ASAP2: variants seen among roughly 807,000 people sequenced by gnomAD.
ASAP2 encodes the protein arf-GAP with SH3 domain, ANK repeat and PH domain-containing protein 2.
Under a neutral mutation model 131.4 loss-of-function variants are expected in ASAP2, and 45 were observed. The ratio of observed to expected loss-of-function variants is 0.34; its 90% CI spans 0.27 to 0.44. ASAP2 has a LOEUF of 0.44. Among genes scored for constraint, ASAP2 ranks in the 20% least tolerant of loss-of-function variants. ASAP2 has a pLI of 1.00. For synonymous variants in ASAP2, 510 were observed against 503.0 expected, an observed-to-expected ratio of 1.01 and a Z score of -0.19; for missense variants, 1,011 against 1,297.0, an observed-to-expected ratio of 0.78 and a Z score of 3.39.
intron 1 of ASAP2, among the ~76,000 whole-genome samples, chr2:9,250,390 C>T (rs371489784): frequency 3.2e-4 from 49 of 152,280 alleles, no homozygotes; most frequent in African/African-American, 1.2e-3. Flanking sequence ...CTGGAGTTCT[C>T]GCGGTGCCCC....
intron 2 of ASAP2, among the ~76,000 whole-genome samples, chr2:9,290,292 C>T (rs1667730082): frequency 1.3e-5 from 2 of 152,188 alleles, no homozygotes; most frequent in Non-Finnish European, 2.9e-5. Context: ...TCACTGCAAC[C>T]TCTGCCTCCT....
At chr2:9,307,969 C>T (rs1242188415) in intron 3 of ASAP2, among the ~76,000 whole-genome samples, 3 of 152,100 alleles carry the variant, frequency 2.0e-5, no homozygotes, top group East Asian at 1.9e-4. Flanking sequence ...CATATGTGTA[C>T]GTGTGCATGC....
chr2:9,212,367 G>T (rs533101680), intron 1 of ASAP2, among the ~76,000 whole-genome samples: 2 of 152,080 alleles, frequency 1.3e-5, no homozygotes, highest in African/African-American at 4.8e-5. Context: ...GGTGAGGGAG[G>T]GCCTTATATG....
Position 9,389,409 on chromosome 2 carries a change from GC to G in ASAP2, c.2383+866del, listed in dbSNP as rs1489514381. Among the ~76,000 whole-genome samples the G allele has an allele frequency of 1.3e-5, 2 of 152,250 alleles. No homozygotes were observed. The highest frequency in any genetic ancestry group is 2.9e-5 in the Non-Finnish European group (2 of 68,044). ...CGCTGTGAGCCGCTGATGGAGTGGAGCCCACGTCCCCAAATACATCCCAAAC... is the reference window on the plus strand; with the variant it reads ...CGCTGTGAGCCGCTGATGGAGTGGAGCCACGTCCCCAAATACATCCCAAAC... On this transcript the variant is annotated intron_variant, in intron 22 of 27. Transcript: ENST00000281419. The surrounding 1 kb of genome is among the most constrained non-coding windows in gnomAD (Gnocchi z 4.7).
intron 1 of ASAP2, among the ~76,000 whole-genome samples, chr2:9,270,784 C>CTTTTTTTTTTTTTTTTTTTTTTTTT (rs1666294703): frequency 1.4e-5 from 1 of 69,740 alleles, no homozygotes; most frequent in Non-Finnish European, 3.1e-5. Context: ...CAATTGTTTT[C>CTTTTTTTTTTTTTTTTTTTTTTTTT]ATTTTTTTTT....
At chr2:9,218,263 C>T (rs1053218179) in intron 1 of ASAP2, among the ~76,000 whole-genome samples, 7 of 152,174 alleles carry the variant, frequency 4.6e-5, no homozygotes, top group Admixed American at 6.5e-5. Flanking sequence ...CACCTGCAGT[C>T]CCCATTGTCA....
intron 1 of ASAP2, among the ~76,000 whole-genome samples, chr2:9,259,792 T>C (rs1254878567): frequency 1.3e-5 from 2 of 152,214 alleles, no homozygotes; most frequent in Non-Finnish European, 2.9e-5. Context: ...ACAGGCAAAG[T>C]AGCCCTGCAC....
At chr2:9,400,286 T>TGCCCCCTCCCC (rs1491417843) in intron 25 of ASAP2, among the ~76,000 whole-genome samples, 8 of 24,452 alleles carry the variant, frequency 3.3e-4, no homozygotes, top group African/African-American at 7.1e-4. Context: ...CCTTCCCTCC[T>TGCCCCCTCCCC]TCCTTCCTTC....
chr2:9,311,512 GC>G lies in ASAP2; in HGVS notation c.346-7009del, dbSNP rs1213383089. ...AAAGTGAGTCAGAACATAAGAGAAAGCCCTATGCTTTCTTGGTGCTAAGGAA... is the reference window on the plus strand; with the variant it reads ...AAAGTGAGTCAGAACATAAGAGAAAGCCTATGCTTTCTTGGTGCTAAGGAA... On this transcript the variant is annotated intron_variant, in intron 3 of 27. Transcript: ENST00000281419. The surrounding 1 kb of genome is among the most constrained non-coding windows in gnomAD (Gnocchi z 5.2). Among the ~76,000 whole-genome samples the G allele has an allele frequency of 3.3e-5, 5 of 152,224 alleles. No individual in the cohort carries two copies. The highest frequency in any genetic ancestry group is 2.0e-4 in the Admixed American group (3 of 15,282).
intron 1 of ASAP2, among the ~76,000 whole-genome samples, chr2:9,265,920 G>A (rs970391317): frequency 3.3e-5 from 5 of 151,930 alleles, no homozygotes; most frequent in South Asian, 4.2e-4. Context: ...TTACAGGCGC[G>A]TGCCACCATG....
rs530414861 is a variant in ASAP2, at chr2:9,358,392, C to T, written c.1328-364C>T. ...GACTTTGGCTGGTCTCATTGTTTTC[C>T]TCTTGCTCCATTCTGCTAGTGTGAC... is the stretch of plus-strand genomic sequence containing the variant. On this transcript the variant is annotated intron_variant, in intron 14 of 27. Transcript: ENST00000281419. Among the ~76,000 whole-genome samples the T allele has an allele frequency of 5.6e-4, 86 of 152,222 alleles. No individual in the cohort carries two copies. In the South Asian group the frequency reaches 8.7e-3, roughly 15 times the overall value.
At position 9,380,696 on chromosome 2, in the gene ASAP2, C is replaced by T. The variant is rs73150930; in HGVS notation, c.1949-45C>T. 494 of 1,587,704 alleles carry T rather than the reference C, an allele frequency of 3.1e-4. 1 individual carries two copies. The African/African-American group carries it at 5.4e-3, about 17-fold the overall frequency. ...AATTGTCCTGGATGTCAGGCCTTTG[C>T]TGGGTTTTGCCTTAACGCCTCCTTT... is the stretch of plus-strand genomic sequence containing the variant. On this transcript the variant is annotated intron_variant, in intron 19 of 27. Coordinates refer to ENST00000281419, the MANE Select transcript of ASAP2 (RefSeq NM_003887.3).
At position 9,368,557 on chromosome 2, in the gene ASAP2, A is replaced by G. The variant is rs774327577; in HGVS notation, c.1556+38A>G. ...CTGGCTATTCTCATTTGCTGAGTAA[A>G]GGTTTGCCTTTGCCCGAGCCCCGGG... On this transcript the variant is annotated intron_variant, in intron 16 of 27. Coordinates refer to ENST00000281419, the MANE Select transcript of ASAP2 (RefSeq NM_003887.3). The G allele has an allele frequency of 1.8e-5, 29 of 1,591,758 alleles. 1 individual carries two copies. In the South Asian group the frequency reaches 3.0e-4, roughly 16 times the overall value.
At chr2:9,265,273 A>C (rs1024101943) in intron 1 of ASAP2, among the ~76,000 whole-genome samples, 2 of 152,278 alleles carry the variant, frequency 1.3e-5, no homozygotes, top group African/African-American at 4.8e-5. Flanking sequence ...TGTAGGTTAC[A>C]TGCAAATATG....
At chr2:9,369,948 T>C (rs1673805564) in intron 16 of ASAP2, among the ~76,000 whole-genome samples, 1 of 152,140 alleles carries the variant, frequency 6.6e-6, no homozygotes, top group African/African-American at 2.4e-5. Flanking sequence ...TTCGAGTGAT[T>C]CTCCTGCCTC....
At chr2:9,253,033 G>A (rs1047329054) in intron 1 of ASAP2, among the ~76,000 whole-genome samples, 4 of 151,998 alleles carry the variant, frequency 2.6e-5, no homozygotes, top group East Asian at 1.9e-4. Flanking sequence ...AAAGCTGCCC[G>A]TGCATCCCTA....
chr2:9,326,490 G>C (rs1334800226), intron 6 of ASAP2, among the ~76,000 whole-genome samples: 2 of 152,198 alleles, frequency 1.3e-5, no homozygotes, highest in East Asian at 3.9e-4. Flanking sequence ...ATCCTCTGTT[G>C]CTGATTGTAA....
intron 1 of ASAP2, among the ~76,000 whole-genome samples, chr2:9,213,619 G>T (rs1454537787): frequency 6.6e-6 from 1 of 152,170 alleles, no homozygotes; most frequent in South Asian, 2.1e-4. Flanking sequence ...GGTAGCAGGG[G>T]GGGTGGTGGT....
At chr2:9,303,452 G>C (rs1246137089) in intron 3 of ASAP2, among the ~76,000 whole-genome samples, 4 of 152,308 alleles carry the variant, frequency 2.6e-5, no homozygotes, top group East Asian at 3.9e-4. Context: ...TGTTAGACTT[G>C]GGTGCAAATT....
Sources: gnomAD v4.1 joint callset for allele counts (sites outside exome capture counted in the v4.1 genomes callset) on GRCh38, gnomAD v4.1.1 for gene constraint, Gnocchi (gnomAD v3.1) non-coding constraint, MANE v1.5 for transcripts, NCBI Gene and HGNC (gene_info 2026-07-23, HGNC 2026-07-21) for gene names.